The following KCNH5 variants were observed in gnomAD, a reference collection of about 807,000 sequenced individuals.
KCNH5 encodes voltage-gated delayed rectifier potassium channel KCNH5.
KCNH5 carries 46 observed loss-of-function variants against 96.1 expected under a neutral mutation model. The ratio of observed to expected loss-of-function variants is 0.48; its 90% CI spans 0.38 to 0.61. The LOEUF (loss-of-function observed/expected upper bound fraction) is 0.61, where lower values mean the gene tolerates loss of function less well. Ranked by LOEUF, KCNH5 falls within the 20% of genes least tolerant of loss-of-function variation. The pLI is 0.00. For missense variants in KCNH5, 907 were observed against 1,225.8 expected, an observed-to-expected ratio of 0.74 and a Z score of 3.88; for synonymous variants, 439 against 449.8, an observed-to-expected ratio of 0.98 and a Z score of 0.30.
At chr14:62,918,151 T>C (rs1361429416) in intron 7 of KCNH5, among the ~76,000 whole-genome samples, 2 of 152,140 alleles carry the variant, frequency 1.3e-5, no homozygotes, top group Non-Finnish European at 2.9e-5. Context: ...AGAATGTTAA[T>C]AATAATGTTA....
chr14:62,858,935 G>T (rs185244719), intron 7 of KCNH5, among the ~76,000 whole-genome samples: 1 of 152,268 alleles, frequency 6.6e-6, no homozygotes, highest in African/African-American at 2.4e-5. Context: ...TGGGGAACAT[G>T]GTAAGACCAG....
intron 1 of KCNH5, among the ~76,000 whole-genome samples, chr14:63,021,748 C>A (rs2139613042): frequency 6.6e-6 from 1 of 152,166 alleles, no homozygotes; most frequent in Middle Eastern, 3.4e-3. Context: ...CCACAGGATG[C>A]TTTTCACTCA....
rs1422794779 is a variant in KCNH5 at position 63,025,221 on chromosome 14, G to C, written c.74-8267C>G. Among the ~76,000 whole-genome samples the C allele has an allele frequency of 5.3e-5, 8 of 152,120 alleles. No individual in the cohort carries two copies. In the East Asian group the frequency reaches 9.6e-4, roughly 18 times the overall value. On this transcript the variant is annotated intron_variant, in intron 1 of 10. Transcript: ENST00000322893. ...AAAAACTCTCAACATATTAGGTTTAGAAGTAATGTACCTCAACACAATAAA... is the reference window on the plus strand; with the variant it reads ...AAAAACTCTCAACATATTAGGTTTACAAGTAATGTACCTCAACACAATAAA...
chr14:62,849,637 C>A lies in KCNH5; in HGVS notation c.1569+16G>T. 3 of 1,602,704 alleles carry A rather than the reference C, an allele frequency of 1.9e-6. No homozygotes were observed. Among genetic ancestry groups the A allele is most frequent in the Non-Finnish European group, 1.7e-6 (2 of 1,170,628 alleles). ...TACTAAAATAGAAACTAAATAATAA[C>A]AATAATAACCCATACCTTTTCTGTA... is the stretch of plus-strand genomic sequence containing the variant. On this transcript the variant is annotated intron_variant, in intron 8 of 10. Transcript: ENST00000322893.
chr14:62,733,944 C>T (rs1314969153), intron 10 of KCNH5, among the ~76,000 whole-genome samples: 4 of 152,106 alleles, frequency 2.6e-5, no homozygotes, highest in Admixed American at 2.6e-4. Context: ...TTAACATACC[C>T]AACATGGTGC....
At chr14:62,977,863 G>A (rs578178685) in intron 6 of KCNH5, among the ~76,000 whole-genome samples, 1 of 152,244 alleles carries the variant, frequency 6.6e-6, no homozygotes, top group Admixed American at 6.5e-5. Flanking sequence ...AAGAGCCTTT[G>A]GACTACAATG....
At chr14:62,995,406 T>G (rs1472846162) in intron 4 of KCNH5, among the ~76,000 whole-genome samples, 3 of 152,130 alleles carry the variant, frequency 2.0e-5, no homozygotes, top group Non-Finnish European at 4.4e-5. Flanking sequence ...CTTCAAAATT[T>G]TGCAAACACC....
intron 9 of KCNH5, among the ~76,000 whole-genome samples, chr14:62,785,377 G>T (rs926653844): frequency 6.6e-6 from 1 of 152,184 alleles, no homozygotes; most frequent in Non-Finnish European, 1.5e-5. Flanking sequence ...AGCTAATGAA[G>T]AAACACTTTT....
At chr14:62,891,493 C>T (rs895744795) in intron 7 of KCNH5, among the ~76,000 whole-genome samples, 10 of 152,090 alleles carry the variant, frequency 6.6e-5, no homozygotes, top group African/African-American at 2.2e-4. Flanking sequence ...ATCGGTACAA[C>T]AAACCCCCGT....
intron 8 of KCNH5, among the ~76,000 whole-genome samples, chr14:62,816,231 C>CA (rs1441908264): frequency 6.6e-6 from 1 of 151,824 alleles, no homozygotes; most frequent in Non-Finnish European, 1.5e-5. Flanking sequence ...CATATTCAAA[C>CA]ATTTTTTCAC....
intron 1 of KCNH5, among the ~76,000 whole-genome samples, chr14:63,022,543 A>C (rs574564940): frequency 6.6e-6 from 1 of 152,194 alleles, no homozygotes; most frequent in Non-Finnish European, 1.5e-5. Flanking sequence ...ATAAGACCCA[A>C]ATCCTTTCCA....
rs2139898635 is a variant in KCNH5, at chr14:62,707,759, A to G, written c.2716T>C (p.Leu906=). ...TTGACTTCCTGCAGTGTGGTCTGTA[A>G]GGCCTGCTCGGGGATGGGATAAAAG... ...HPFYPIPEQA[L]QTTLQEVKHE... The change falls in exon 11 of 11, where the codon TTA becomes CTA. Residue 906 remains leucine (L), a synonymous_variant. Coordinates refer to ENST00000322893, the MANE Select transcript of KCNH5 (RefSeq NM_139318.5). 6.2e-7 allele frequency: 1 copy of G among 1,614,080 alleles called. No homozygotes were observed. Among genetic ancestry groups the G allele is most frequent in the Non-Finnish European group, 8.5e-7 (1 of 1,180,014 alleles).
chr14:62,730,117 A>G (rs1265961011), intron 10 of KCNH5, among the ~76,000 whole-genome samples: 1 of 151,942 alleles, frequency 6.6e-6, no homozygotes, highest in Non-Finnish European at 1.5e-5. Context: ...ATAAAATTGA[A>G]GTGAAAAATA....
intron 6 of KCNH5, among the ~76,000 whole-genome samples, chr14:62,970,502 C>T (rs958027021): frequency 3.9e-5 from 6 of 152,058 alleles, no homozygotes; most frequent in African/African-American, 7.2e-5. Context: ...CCAGCATTAC[C>T]CCAATACCAA....
intron 8 of KCNH5, among the ~76,000 whole-genome samples, chr14:62,823,957 G>C (rs563393602): frequency 6.6e-6 from 1 of 151,464 alleles, no homozygotes; most frequent in Non-Finnish European, 1.5e-5. Context: ...TGCAGCAAAC[G>C]AATCTTTCTA....
chr14:62,795,089 T>C (rs1000620916), intron 9 of KCNH5, among the ~76,000 whole-genome samples: 1 of 152,114 alleles, frequency 6.6e-6, no homozygotes, highest in Non-Finnish European at 1.5e-5. Flanking sequence ...TCAAATTGCC[T>C]AGTTAACAGT....
intron 10 of KCNH5, among the ~76,000 whole-genome samples, chr14:62,759,628 T>A (rs1885704727): frequency 6.8e-6 from 1 of 147,720 alleles, no homozygotes. Flanking sequence ...TTGTCCTGAT[T>A]GAATTTTTGA....
At chr14:62,863,187 C>A (rs1888070909) in intron 7 of KCNH5, among the ~76,000 whole-genome samples, 2 of 152,092 alleles carry the variant, frequency 1.3e-5, no homozygotes, top group Admixed American at 1.3e-4. Context: ...CCTTACATCT[C>A]TCTATAATTG....
At chr14:63,027,114 T>C (rs1198605398) in intron 1 of KCNH5, among the ~76,000 whole-genome samples, 1 of 151,666 alleles carries the variant, frequency 6.6e-6, no homozygotes, top group Admixed American at 6.6e-5. Flanking sequence ...AAACACCATA[T>C]GATCTTACTT....
Sources: allele counts gnomAD v4.1 joint callset (sites outside exome capture counted in the v4.1 genomes callset), GRCh38; gene constraint gnomAD v4.1.1; transcripts MANE v1.5; gene names NCBI Gene and HGNC (gene_info 2026-07-23, HGNC 2026-07-21).